The following CGNL1 variants were observed in gnomAD, a reference collection of about 807,000 sequenced individuals.
The protein encoded by CGNL1 is cingulin-like protein 1.
Under a neutral mutation model 141.2 loss-of-function variants are expected in CGNL1, and 132 were observed. The ratio of observed to expected loss-of-function variants is 0.93; its 90% CI spans 0.81 to 1.08. CGNL1 has a LOEUF of 1.08. Ranked by LOEUF, CGNL1 falls within the 50% of genes least tolerant of loss-of-function variation. The pLI is 0.00. For missense variants in CGNL1, 1,870 were observed against 1,588.6 expected (o/e 1.18, Z -3.01); for synonymous variants, 690 against 622.1 (o/e 1.11, Z -1.63).
rs144634205 is a variant in CGNL1, at chr15:57,495,108, G to A, written c.2404-21672G>A. Among the ~76,000 whole-genome samples the A allele has an allele frequency of 2.2e-4, 34 of 152,242 alleles. No homozygotes were observed. The East Asian group carries it at 6.6e-3, about 29-fold the overall frequency. ...GGTAGAGGATCAGTTCATATAACTT[G>A]GCTATACCCTGTGGGTCCTTAAACC... On this transcript the variant is annotated intron_variant, in intron 8 of 18. Coordinates refer to ENST00000281282, the MANE Select transcript of CGNL1 (RefSeq NM_032866.5).
At chr15:57,490,120 GA>G (rs1161517174) in intron 8 of CGNL1, among the ~76,000 whole-genome samples, 27 of 151,714 alleles carry the variant, frequency 1.8e-4, no homozygotes, top group African/African-American at 6.0e-4. Context: ...TTGAAATAGT[GA>G]AAAAAAATGA....
intron 10 of CGNL1, among the ~76,000 whole-genome samples, chr15:57,522,589 T>C (rs1181590910): frequency 6.6e-6 from 1 of 152,170 alleles, no homozygotes; most frequent in Non-Finnish European, 1.5e-5. Flanking sequence ...CTGTTCCGAG[T>C]TGTGCGTCTT....
intron 4 of CGNL1, among the ~76,000 whole-genome samples, chr15:57,447,805 C>CGTGTGTGTGT (rs3985737): frequency 1.4e-3 from 209 of 144,460 alleles, no homozygotes; most frequent in African/African-American, 4.6e-3. Context: ...TCTCTCTTTT[C>CGTGTGTGTGT]GTGTGTGTGT....
intron 3 of CGNL1, 69 bp from the exon 4 acceptor site, chr15:57,442,304 A>C (rs772642347): frequency 3.0e-5 from 27 of 910,126 alleles, no homozygotes; most frequent in Non-Finnish European, 4.6e-5. Context: ...GGTGTGTGTC[A>C]TGACATATAA....
At chr15:57,465,979 A>G (rs1394189309) in intron 8 of CGNL1, among the ~76,000 whole-genome samples, 1 of 152,204 alleles carries the variant, frequency 6.6e-6, no homozygotes, top group East Asian at 1.9e-4. Context: ...GAACAGTTTG[A>G]TTGCTCAGTG....
chr15:57,544,115 G>C (rs1217645071), intron 15 of CGNL1, among the ~76,000 whole-genome samples: 1 of 152,186 alleles, frequency 6.6e-6, no homozygotes, highest in East Asian at 1.9e-4. Flanking sequence ...CATGATTTCT[G>C]TTCATGTTCT....
At chr15:57,453,386 G>A (rs536867627) in intron 6 of CGNL1, among the ~76,000 whole-genome samples, 1 of 152,158 alleles carries the variant, frequency 6.6e-6, no homozygotes, top group Admixed American at 6.5e-5. Context: ...TTTATCTTCT[G>A]CATCCAAATT....
At chr15:57,405,772 CTCT>C (rs2062709751) in intron 1 of CGNL1, among the ~76,000 whole-genome samples, 1 of 123,390 alleles carries the variant, frequency 8.1e-6, no homozygotes, top group Non-Finnish European at 1.6e-5. Flanking sequence ...TTCTTTCTTT[CTCT>C]TTCTTTCTTT....
At chr15:57,410,549 C>G (rs2062775019) in intron 1 of CGNL1, among the ~76,000 whole-genome samples, 1 of 152,160 alleles carries the variant, frequency 6.6e-6, no homozygotes, top group Non-Finnish European at 1.5e-5. Flanking sequence ...CTCTCTCTTT[C>G]TAGGCAGGCA....
rs1361979930 is a variant in CGNL1 at position 57,547,371 on chromosome 15, A to C, written c.3790A>C (p.Ser1264Arg). 6.2e-7 allele frequency: 1 copy of C among 1,614,192 alleles called. No individual in the cohort carries two copies. Among genetic ancestry groups the C allele is most frequent in the Admixed American group, 1.7e-5 (1 of 60,022 alleles). ...KKDLRLKKLP[S>R]KVLDDMDDDD... ...TTTCAGCAGACTGAAGAAGCTGCCG[A>C]GTAAAGTGCTGGATGACATGGATGA... Residue 1264 changes from serine to arginine, a missense_variant, in exon 19 of 19, where the codon AGT (serine) becomes CGT (arginine). Ser to Arg is a moderately radical substitution (Grantham distance 110). Coordinates refer to ENST00000281282, the MANE Select transcript of CGNL1 (RefSeq NM_032866.5).
intron 8 of CGNL1, 94 bp downstream of exon 8, chr15:57,461,986 A>T: frequency 1.1e-6 from 1 of 903,368 alleles, no homozygotes; most frequent in Non-Finnish European, 1.8e-6. Context: ...ATTCCTTTTA[A>T]TTAGAGAGTG....
At chr15:57,390,228 G>C (rs1316654044) in intron 1 of CGNL1, among the ~76,000 whole-genome samples, 2 of 152,238 alleles carry the variant, frequency 1.3e-5, no homozygotes, top group African/African-American at 2.4e-5. Flanking sequence ...CCAGACTCCA[G>C]GCTTCCATCT....
At position 57,438,965 on chromosome 15, in the gene CGNL1, T is replaced by A. The variant is rs138139512; in HGVS notation, c.966T>A (p.His322Gln). 2 of 1,614,226 alleles carry A rather than the reference T, an allele frequency of 1.2e-6. No homozygotes were observed. Among genetic ancestry groups the A allele is most frequent in the Non-Finnish European group, 1.7e-6 (2 of 1,180,040 alleles). Residue 322 changes from histidine (H) to glutamine (Q), a missense_variant, in exon 2 of 19, where the codon CAT (histidine) becomes CAA (glutamine). Coordinates refer to ENST00000281282, the MANE Select transcript of CGNL1 (RefSeq NM_032866.5). Reference sequence around the variant, plus strand: ...TGGATGATCAGGAATGTGCCATCCATGCCGACAACGTCAATCGTCATGAAA... The same window carrying A: ...TGGATGATCAGGAATGTGCCATCCAAGCCGACAACGTCAATCGTCATGAAA... ...FLLDDQECAI[H>Q]ADNVNRHENR...
chr15:57,456,244 A>C (rs2063377855), intron 7 of CGNL1, among the ~76,000 whole-genome samples: 1 of 152,246 alleles, frequency 6.6e-6, no homozygotes, highest in South Asian at 2.1e-4. Context: ...GCTTGGAACA[A>C]ACTCTTAACA....
At chr15:57,545,538 C>T in intron 16 of CGNL1, 54 bp from the exon 17 acceptor site, 3 of 1,514,926 alleles carry the variant, frequency 2.0e-6, no homozygotes, top group Non-Finnish European at 2.7e-6. Context: ...CTAGGCTGGG[C>T]CCCCTGCAGG....
At position 57,443,627 on chromosome 15, in the gene CGNL1, G is replaced by A. The variant is rs116566186; in HGVS notation, c.1803+1149G>A. ...CTGTGGCCTCAAATAGAACAATGCC[G>A]TACACACACATACGCAATTCCCACT... is the stretch of plus-strand genomic sequence containing the variant. On this transcript the variant is annotated intron_variant, in intron 4 of 18. Coordinates refer to ENST00000281282, the MANE Select transcript of CGNL1 (RefSeq NM_032866.5). 5.2e-3 allele frequency among the ~76,000 whole-genome samples: 796 copies of A among 152,260 alleles called. 13 individuals are homozygous for A. Among genetic ancestry groups the A allele is most frequent in the African/African-American group, 0.018 (757 of 41,544 alleles).
At chr15:57,476,722 A>G (rs73421814) in intron 8 of CGNL1, among the ~76,000 whole-genome samples, 3,333 of 152,332 alleles carry the variant, frequency 0.022, 126 homozygotes, top group African/African-American at 0.077. Flanking sequence ...TGTCCGAGTC[A>G]TCTCTAGGGA....
At chr15:57,545,926 T>C in intron 17 of CGNL1, 150 bp from the exon 18 acceptor site, 1 of 904,498 alleles carries the variant, frequency 1.1e-6, no homozygotes. Context: ...CACCCTGTCT[T>C]AGTGCCTGCT....
intron 8 of CGNL1, among the ~76,000 whole-genome samples, chr15:57,481,313 T>C (rs2063723649): frequency 6.6e-6 from 1 of 152,162 alleles, no homozygotes; most frequent in Admixed American, 6.5e-5. Flanking sequence ...GCATTCTTCA[T>C]GTTGTCCTTT....
Sources: gnomAD v4.1 joint callset for allele counts (sites outside exome capture counted in the v4.1 genomes callset) on GRCh38, gnomAD v4.1.1 for gene constraint, MANE v1.5 for transcripts, NCBI Gene and HGNC (gene_info 2026-07-23, HGNC 2026-07-21) for gene names.